The following VCPKMT variants were observed in gnomAD, a reference collection of about 807,000 sequenced individuals.
VCPKMT encodes valosin containing protein lysine methyltransferase, also known as protein N-lysine methyltransferase METTL21D.
Under a neutral mutation model 28.6 loss-of-function variants are expected in VCPKMT, and 32 were observed. The ratio of observed to expected loss-of-function variants is 1.12; its 90% confidence interval spans 0.84 to 1.50. The LOEUF (loss-of-function observed/expected upper bound fraction) is 1.50, where lower values mean the gene tolerates loss of function less well. VCPKMT is among the 40% of genes most tolerant of loss of function. The probability of loss-of-function intolerance (pLI) is 0.00; values close to 1 mark genes in which losing one functional copy is unlikely to be tolerated. For synonymous variants in VCPKMT, 138 were observed against 111.4 expected (o/e 1.24, Z -1.50); for missense variants, 366 against 285.0 (o/e 1.28, Z -2.05).
chr14:50,104,996 C>T (rs1882274847), downstream of VCPKMT, among the ~76,000 whole-genome samples: 1 of 151,950 alleles, frequency 6.6e-6, no homozygotes, highest in Admixed American at 6.6e-5. Context: ...GTTTTACTTA[C>T]CCTGTGTTAT....
At chr14:50,112,122 G>GT (rs1466477431) in intron 5 of VCPKMT, 3 of 933,314 alleles carry the variant, frequency 3.2e-6, no homozygotes, top group Non-Finnish European at 3.8e-6. Flanking sequence ...GTTCACAAAG[G>GT]TAAGAGCAGG....
rs1882780793 is a variant in VCPKMT at position 50,112,714 on chromosome 14, A to G, written c.576T>C (p.Leu192=). 1 of 1,559,036 alleles carries G rather than the reference A, an allele frequency of 6.4e-7. No homozygotes were observed. Among genetic ancestry groups the G allele is most frequent in the African/African-American group, 1.4e-5 (1 of 73,496 alleles). The change falls in exon 5 of 6, where the codon CTT becomes CTC. Residue 192 remains leucine (L), a synonymous_variant. Transcript: ENST00000395860. The part of the protein sequence containing the change: ...PEIEKKYFEL[L]QLDFDFEKIP... The stretch of plus-strand genomic sequence containing the variant: ...TTTTTTCAAAGTCAAAATCTAGCTG[A>G]AGGAGCTATAAATTTAAAAGAGACA...
At chr14:50,114,595 G>A (rs1406679464) in intron 3 of VCPKMT, among the ~76,000 whole-genome samples, 191 bp from the exon 4 acceptor site, 1 of 152,168 alleles carries the variant, frequency 6.6e-6, no homozygotes, top group Non-Finnish European at 1.5e-5. Flanking sequence ...CAACACTTTG[G>A]AAGGCAGAGG....
rs1325771923 is a variant in VCPKMT, at chr14:50,109,287, C to CTA, written c.*410_*411dup. The stretch of plus-strand genomic sequence containing the variant: ...AACTCTGAAGACAAACTAAAATTTA[C>CTA]TAGTTTGAATTTAAAACATTATTAT... On this transcript the variant is annotated 3_prime_UTR_variant, in exon 6 of 6. Coordinates refer to ENST00000395860, the MANE Select transcript of VCPKMT (RefSeq NM_024558.3). 8.1e-6 allele frequency: 8 copies of CTA among 984,442 alleles called. No individual in the cohort carries two copies. Among genetic ancestry groups the CTA allele is most frequent in the Admixed American group, 6.1e-5 (1 of 16,478 alleles). The allele number at this position is 984,442 out of a possible 1,614,324, so 61.0% of individuals were successfully genotyped here. A position where few individuals can be genotyped will look rare whatever the true frequency, so the allele number is the denominator to read the frequency against.
At chr14:50,115,963 T>G (rs745979872) in intron 2 of VCPKMT, 52 bp from the exon 3 acceptor site, 1 of 1,601,330 alleles carries the variant, frequency 6.2e-7, no homozygotes, top group Non-Finnish European at 8.5e-7. Context: ...CAAAATACTC[T>G]TGTTTTATAA....
At position 50,109,530 on chromosome 14, in the gene VCPKMT, T is replaced by C. The variant is rs1003810998; in HGVS notation, c.*169A>G. On this transcript the variant is annotated 3_prime_UTR_variant, in exon 6 of 6. Transcript: ENST00000395860. Reference sequence around the variant, plus strand: ...CAGGCAGGCAGGCAAGCAGGAATTTTTCGTATTGCAGACAGCCCCTGGTGG... The same window carrying C: ...CAGGCAGGCAGGCAAGCAGGAATTTCTCGTATTGCAGACAGCCCCTGGTGG... 2 of 1,315,176 alleles carry C rather than the reference T, an allele frequency of 1.5e-6. No homozygotes were observed. Among genetic ancestry groups the C allele is most frequent in the Non-Finnish European group, 1.9e-6 (2 of 1,034,422 alleles). The allele number at this position is 1,315,176 out of a possible 1,614,324, so 81.5% of individuals were successfully genotyped here.
At chr14:50,111,951 AC>A in intron 5 of VCPKMT, 1 of 985,384 alleles carries the variant, frequency 1.0e-6, no homozygotes. Context: ...CCTAGGTGTC[AC>A]TGAGGCAACC....
At chr14:50,112,980 G>GA (rs1281270755) in intron 4 of VCPKMT, among the ~76,000 whole-genome samples, 3 of 152,156 alleles carry the variant, frequency 2.0e-5, no homozygotes, top group Non-Finnish European at 2.9e-5. Context: ...TAAAGAAAGG[G>GA]TTTCACCATG....
At chr14:50,105,609 T>C (rs1006575150), downstream of VCPKMT, among the ~76,000 whole-genome samples, 1 of 152,192 alleles carries the variant, frequency 6.6e-6, no homozygotes, top group Non-Finnish European at 1.5e-5. Flanking sequence ...CCAGCCTGGG[T>C]GACAGAGTGA....
intron 5 of VCPKMT, chr14:50,111,790 G>A (rs1882679285): frequency 1.7e-5 from 11 of 657,114 alleles, no homozygotes; most frequent in Non-Finnish European, 2.1e-5. Context: ...GGAGGCTGAG[G>A]TGGGAGGATC....
At chr14:50,109,831 A>G (rs1013630261) in intron 5 of VCPKMT, 118 bp from the exon 6 acceptor site, 10 of 1,201,660 alleles carry the variant, frequency 8.3e-6, no homozygotes, top group Non-Finnish European at 1.0e-5. Context: ...CAGTGGCTAC[A>G]TGCAATTCAA....
rs73289742 is a variant in VCPKMT at position 50,110,612 on chromosome 14, T to C, written c.676-899A>G. ...CTGCTAGTGAGAACGTATAATGGTA[T>C]GGTAGATTAGGAACACAGTTTGGCA... On this transcript the variant is annotated intron_variant, in intron 5 of 5. Transcript: ENST00000395860. Among the ~76,000 whole-genome samples the C allele has an allele frequency of 9.1e-3, 1,387 of 152,326 alleles. 19 individuals carry two copies. The highest frequency in any genetic ancestry group is 0.032 in the African/African-American group (1,322 of 41,566).
chr14:50,109,849 A>G (rs771792383), intron 5 of VCPKMT, 136 bp from the exon 6 acceptor site: 1 of 1,023,660 alleles, frequency 9.8e-7, no homozygotes. Flanking sequence ...CAAGTGAACA[A>G]CCATGCATGT....
downstream of VCPKMT, among the ~76,000 whole-genome samples, chr14:50,103,717 AAAT>A (rs1263139487): frequency 1.3e-5 from 2 of 152,218 alleles, no homozygotes; most frequent in Admixed American, 6.5e-5. Context: ...TTATTTGTTT[AAAT>A]AACAGTACAT....
chr14:50,116,275 G>T lies in VCPKMT; in HGVS notation c.266+12C>A. On this transcript the variant is annotated intron_variant, in intron 1 of 5. Coordinates refer to ENST00000395860, the MANE Select transcript of VCPKMT (RefSeq NM_024558.3). Reference sequence around the variant, plus strand: ...AGGCGCCCCCACATCCCGCCCGCCCGCCAGCTCTTACCCGAGGGTAGCAGC... The same window carrying T: ...AGGCGCCCCCACATCCCGCCCGCCCTCCAGCTCTTACCCGAGGGTAGCAGC... 1 of 1,361,026 alleles carries T rather than the reference G, an allele frequency of 7.3e-7. No homozygotes were observed. The highest frequency in any genetic ancestry group is 1.0e-6 in the Non-Finnish European group (1 of 1,002,166). The allele number at this position is 1,361,026 out of a possible 1,614,324, so 84.3% of individuals were successfully genotyped here. A position where few individuals can be genotyped will look rare whatever the true frequency, so the allele number is the denominator to read the frequency against.
intron 5 of VCPKMT, among the ~76,000 whole-genome samples, chr14:50,110,478 G>A (rs959353547): frequency 6.6e-6 from 1 of 152,132 alleles, no homozygotes; most frequent in African/African-American, 2.4e-5. Flanking sequence ...AACATCATTA[G>A]TCATTAGAGA....
rs1046647093 is a variant in VCPKMT, at chr14:50,109,089, A to G, written c.*610T>C. ...ACAATTTACTGATTAAATCACATAG[A>G]TATGTATGGTGGAGGAAAAGAAAAC... is the stretch of plus-strand genomic sequence containing the variant. On this transcript the variant is annotated 3_prime_UTR_variant, in exon 6 of 6. Coordinates refer to ENST00000395860, the MANE Select transcript of VCPKMT (RefSeq NM_024558.3). 1.5e-4 allele frequency: 143 copies of G among 979,038 alleles called. 1 individual carries two copies. The highest frequency in any genetic ancestry group is 8.0e-4 in the South Asian group (17 of 21,172). 60.6% of individuals were successfully genotyped at this position (979,038 alleles called of 1,614,324 possible).
At position 50,112,609 on chromosome 14, in the gene VCPKMT, A is replaced by G; in HGVS notation, c.675+6T>C. 1 of 1,501,622 alleles carries G rather than the reference A, an allele frequency of 6.7e-7. No individual in the cohort carries two copies. The allele number at this position is 1,501,622 out of a possible 1,614,324, so 93.0% of individuals were successfully genotyped here. ...TGGAGAATGAAGAACTGAGAATGTTATTTACCGATTTTTTCTTTCTGATGT... is the reference window on the plus strand; with the variant it reads ...TGGAGAATGAAGAACTGAGAATGTTGTTTACCGATTTTTTCTTTCTGATGT... On this transcript the variant is annotated splice_donor_region_variant and intron_variant, in intron 5 of 5. Coordinates refer to ENST00000395860, the MANE Select transcript of VCPKMT (RefSeq NM_024558.3).
rs1359265341 is a variant in VCPKMT at position 50,108,804 on chromosome 14, C to A, written c.*895G>T. 3.0e-6 allele frequency: 3 copies of A among 985,392 alleles called. No individual in the cohort carries two copies. Among genetic ancestry groups the A allele is most frequent in the African/African-American group, 3.5e-5 (2 of 57,218 alleles). The allele number at this position is 985,392 out of a possible 1,614,324, so 61.0% of individuals were successfully genotyped here. A position where few individuals can be genotyped will look rare whatever the true frequency, so the allele number is the denominator to read the frequency against. On this transcript the variant is annotated 3_prime_UTR_variant, in exon 6 of 6. Coordinates refer to ENST00000395860, the MANE Select transcript of VCPKMT (RefSeq NM_024558.3). ...CTTCATAACATAAAACAGAGAGACA[C>A]AGAACAGAAATTCATTTGGTATATA...
Sources: gnomAD v4.1 joint callset for allele counts (sites outside exome capture counted in the v4.1 genomes callset) on GRCh38, gnomAD v4.1.1 for gene constraint, MANE v1.5 for transcripts, NCBI Gene and HGNC (gene_info 2026-07-23, HGNC 2026-07-21) for gene names.